The following DGKB variants were observed in gnomAD, a reference collection of about 807,000 sequenced individuals.
DGKB encodes 90 kDa diacylglycerol kinase.
A neutral mutation model predicts 114.3 loss-of-function variants in DGKB; 67 were observed. The ratio of observed to expected loss-of-function variants is 0.59; its 90% confidence interval spans 0.48 to 0.72. The LOEUF is 0.72. Among genes scored for constraint, DGKB ranks in the 30% least tolerant of loss-of-function variants. The pLI, the probability that DGKB is intolerant of heterozygous loss-of-function variation, is 0.00. For missense variants in DGKB, 907 were observed against 975.2 expected, an observed-to-expected ratio of 0.93 and a Z score of 0.93; for synonymous variants, 398 against 323.1, an observed-to-expected ratio of 1.23 and a Z score of -2.49.
intron 13 of DGKB, among the ~76,000 whole-genome samples, chr7:14,644,117 A>C (rs186056687): frequency 0.056 from 3,946 of 70,072 alleles, 76 homozygotes; most frequent in Non-Finnish European, 0.081. Flanking sequence ...GATTACAGGC[A>C]AAAAAAAAAA....
chr7:14,284,840 A>G (rs1409821249), intron 23 of DGKB, among the ~76,000 whole-genome samples: 1 of 130,190 alleles, frequency 7.7e-6, no homozygotes, highest in Non-Finnish European at 1.6e-5. Flanking sequence ...GAAGGGGAAC[A>G]TCACACTCTG....
intron 13 of DGKB, among the ~76,000 whole-genome samples, chr7:14,665,572 T>C (rs1249570809): frequency 6.6e-6 from 1 of 152,018 alleles, no homozygotes; most frequent in Non-Finnish European, 1.5e-5. Context: ...AATGTGTACA[T>C]ACAGAAAACA....
At chr7:14,544,896 C>G (rs1274769375) in intron 20 of DGKB, among the ~76,000 whole-genome samples, 25 of 151,990 alleles carry the variant, frequency 1.6e-4, no homozygotes, top group Admixed American at 1.6e-3. Context: ...TCTCTGCTTT[C>G]TAGGCTTTCT....
intron 17 of DGKB, among the ~76,000 whole-genome samples, chr7:14,595,324 G>C (rs908932982): frequency 6.6e-6 from 1 of 152,020 alleles, no homozygotes; most frequent in African/African-American, 2.4e-5. Flanking sequence ...TATTCATCAA[G>C]TTAGAGAATA....
At chr7:14,890,605 T>C (rs1781049216) in intron 1 of DGKB, among the ~76,000 whole-genome samples, 2 of 151,412 alleles carry the variant, frequency 1.3e-5, no homozygotes. Flanking sequence ...GGGATGTGTC[T>C]GAGAAAAACA....
intron 20 of DGKB, among the ~76,000 whole-genome samples, chr7:14,506,770 G>A (rs1481833802): frequency 6.6e-6 from 1 of 152,136 alleles, no homozygotes; most frequent in Admixed American, 6.6e-5. Flanking sequence ...AACAATGACT[G>A]CTGATATTCT....
At chr7:14,350,730 G>A (rs1168415577) in intron 21 of DGKB, among the ~76,000 whole-genome samples, 3 of 151,252 alleles carry the variant, frequency 2.0e-5, no homozygotes, top group African/African-American at 4.9e-5. Context: ...CCATTTTCAA[G>A]CATCGTTAAC....
At position 14,170,145 on chromosome 7, in the gene DGKB, A is replaced by AAAAAG. The variant is rs1369239302; in HGVS notation, c.2304+6693_2304+6694insCTTTT. 2.8e-3 allele frequency among the ~76,000 whole-genome samples: 276 copies of AAAAAG among 100,000 alleles called. 7 individuals carry two copies. The East Asian group carries it at 0.038, about 14-fold the overall frequency. The allele number at this position is 100,000 out of a possible 152,430, so 65.6% of individuals were successfully genotyped here. A position where few individuals can be genotyped will look rare whatever the true frequency, so the allele number is the denominator to read the frequency against. Reference sequence around the variant, plus strand: ...GAGAAACTCCATCTCAAAAAAAAAAAAAAGAAAGAAAGAAAGAAAGAAAGA... The same window carrying AAAAAG: ...GAGAAACTCCATCTCAAAAAAAAAAAAAAAGAAAGAAAGAAAGAAAGAAAGAAAGA... On this transcript the variant is annotated intron_variant, in intron 25 of 25. Coordinates refer to ENST00000402815, the MANE Select transcript of DGKB (RefSeq NM_001350709.2).
chr7:14,445,598 G>A (rs549555703), intron 21 of DGKB, among the ~76,000 whole-genome samples: 1 of 152,042 alleles, frequency 6.6e-6, no homozygotes, highest in East Asian at 1.9e-4. Flanking sequence ...ATAATCTGAA[G>A]TTCTGTGTAC....
At chr7:14,848,165 A>G (rs1253593620) in intron 1 of DGKB, among the ~76,000 whole-genome samples, 2 of 152,184 alleles carry the variant, frequency 1.3e-5, no homozygotes, top group African/African-American at 4.8e-5. Flanking sequence ...CTGTTCCAAT[A>G]TTGTGTGAGA....
intron 13 of DGKB, among the ~76,000 whole-genome samples, chr7:14,654,336 G>A (rs917029528): frequency 1.3e-5 from 2 of 151,680 alleles, no homozygotes; most frequent in African/African-American, 4.8e-5. Context: ...TAACCAAGGA[G>A]GTAAATAATC....
At chr7:14,904,036 C>A (rs1442580424), upstream of DGKB, among the ~76,000 whole-genome samples, 1 of 152,172 alleles carries the variant, frequency 6.6e-6, no homozygotes, top group Non-Finnish European at 1.5e-5. Context: ...TGGCTGCTCT[C>A]ATTAATCTCC....
At chr7:14,729,519 C>A (rs1220868252) in intron 5 of DGKB, among the ~76,000 whole-genome samples, 6 of 152,140 alleles carry the variant, frequency 3.9e-5, no homozygotes, top group Non-Finnish European at 8.8e-5. Flanking sequence ...ATACATTGCC[C>A]TTTGATGGGA....
chr7:14,360,468 A>G (rs1246461156), intron 21 of DGKB, among the ~76,000 whole-genome samples: 1 of 151,658 alleles, frequency 6.6e-6, no homozygotes, highest in Non-Finnish European at 1.5e-5. Context: ...ATATATATAA[A>G]GAATATAAAG....
intron 1 of DGKB, among the ~76,000 whole-genome samples, chr7:14,876,070 G>A (rs948376589): frequency 3.9e-5 from 6 of 152,212 alleles, no homozygotes; most frequent in African/African-American, 1.4e-4. Flanking sequence ...GGCAGGGTTT[G>A]GACACCGTAT....
intron 2 of DGKB, among the ~76,000 whole-genome samples, chr7:14,761,292 G>A (rs377520587): frequency 9.8e-4 from 149 of 152,228 alleles, no homozygotes; most frequent in African/African-American, 3.3e-3. Flanking sequence ...GAGAGTTCAG[G>A]ATATCCATAA....
rs1782468322 is a variant in DGKB, at chr7:14,180,392, TTAATTTG to T, written c.2123-2248_2123-2242del. Among the ~76,000 whole-genome samples, 2 of 152,198 alleles carry T rather than the reference TTAATTTG, an allele frequency of 1.3e-5. 1 individual carries two copies. The stretch of plus-strand genomic sequence containing the variant: ...CCTCCTTCTGATTTTTTTCTTTCTT[TTAATTTG>T]TCTTTGTTTTTCTGCATGCAAAAAT... On this transcript the variant is annotated intron_variant, in intron 23 of 25. Transcript: ENST00000402815.
chr7:14,346,084 T>C (rs56004436), intron 21 of DGKB, among the ~76,000 whole-genome samples: 184 of 151,792 alleles, frequency 1.2e-3, no homozygotes, highest in Non-Finnish European at 2.1e-3. Flanking sequence ...TAGAAGACAA[T>C]ACATGTAAGT....
intron 13 of DGKB, among the ~76,000 whole-genome samples, chr7:14,651,123 G>A (rs1225672339): frequency 6.6e-6 from 1 of 152,078 alleles, no homozygotes; most frequent in Non-Finnish European, 1.5e-5. Flanking sequence ...TAGAAAAAGA[G>A]GGAATCCTCC....
Sources: allele counts gnomAD v4.1 joint callset (sites outside exome capture counted in the v4.1 genomes callset), GRCh38; gene constraint gnomAD v4.1.1; transcripts MANE v1.5; gene names NCBI Gene and HGNC (gene_info 2026-07-23, HGNC 2026-07-21).